Variants in GRIK1 observed in about 807,000 individuals in gnomAD.
GRIK1 encodes the protein glutamate receptor ionotropic, kainate 1.
GRIK1 carries 69 observed loss-of-function variants against 105.7 expected under a neutral mutation model. The ratio of observed to expected loss-of-function variants is 0.65; its 90% confidence interval spans 0.54 to 0.80. GRIK1 has a LOEUF of 0.80. Ranked by LOEUF, GRIK1 falls within the 30% of genes least tolerant of loss-of-function variation. GRIK1 has a pLI of 0.00. For missense variants in GRIK1, 1,109 were observed against 1,167.3 expected (o/e 0.95, Z 0.73); for synonymous variants, 438 against 431.3 (o/e 1.02, Z -0.19).
chr21:29,607,993 A>G (rs2061655878), intron 7 of GRIK1, among the ~76,000 whole-genome samples: 1 of 152,210 alleles, frequency 6.6e-6, no homozygotes, highest in African/African-American at 2.4e-5. Flanking sequence ...TGTAAAATCA[A>G]GAAGTTAACT....
chr21:29,801,423 C>T (rs986770702), intron 1 of GRIK1, among the ~76,000 whole-genome samples: 29 of 152,082 alleles, frequency 1.9e-4, no homozygotes, highest in African/African-American at 6.7e-4. Flanking sequence ...AAATCAAATA[C>T]CCAAACTGAA....
At chr21:29,862,576 G>A (rs541507057) in intron 1 of GRIK1, among the ~76,000 whole-genome samples, 4 of 152,154 alleles carry the variant, frequency 2.6e-5, no homozygotes, top group African/African-American at 9.7e-5. Flanking sequence ...CCATCATGAG[G>A]TGTGGGTGCA....
At chr21:29,934,728 T>TA (rs1487388898) in intron 1 of GRIK1, among the ~76,000 whole-genome samples, 3 of 152,160 alleles carry the variant, frequency 2.0e-5, no homozygotes, top group Non-Finnish European at 2.9e-5. Flanking sequence ...CTACCAGTAA[T>TA]AACTGAACTT....
intron 2 of GRIK1, among the ~76,000 whole-genome samples, chr21:29,692,876 T>A (rs1357220807): frequency 6.6e-6 from 1 of 152,158 alleles, no homozygotes; most frequent in African/African-American, 2.4e-5. Context: ...CCCTGCTATG[T>A]TGTTAATTTT....
intron 4 of GRIK1, among the ~76,000 whole-genome samples, chr21:29,668,220 C>CA (rs945350922): frequency 6.6e-6 from 1 of 152,182 alleles, no homozygotes; most frequent in African/African-American, 2.4e-5. Context: ...TTGGAACTTA[C>CA]AGTGTAGTAA....
At chr21:29,852,630 C>A (rs1321764225) in intron 1 of GRIK1, among the ~76,000 whole-genome samples, 2 of 152,122 alleles carry the variant, frequency 1.3e-5, no homozygotes, top group East Asian at 3.9e-4. Flanking sequence ...GAAGGAACAG[C>A]CACATAAATA....
In GRIK1 at chr21:29,747,623, G is replaced by T. The variant is rs879825384; in HGVS notation, c.119-53560C>A. On this transcript the variant is annotated intron_variant, in intron 1 of 17. Coordinates refer to ENST00000327783, the MANE Select transcript of GRIK1 (RefSeq NM_001330994.2). ...AGGCAGGTGGATCACGAGGTCAGGA[G>T]ATCGAGACCATCCTGGCCAATATGG... Among the ~76,000 whole-genome samples, 16 of 152,204 alleles carry T rather than the reference G, an allele frequency of 1.1e-4. 1 individual carries two copies. The highest frequency in any genetic ancestry group is 3.9e-4 in the Admixed American group (6 of 15,284).
intron 1 of GRIK1, among the ~76,000 whole-genome samples, chr21:29,753,128 C>G (rs1048845124): frequency 1.3e-5 from 2 of 152,180 alleles, no homozygotes; most frequent in African/African-American, 4.8e-5. Flanking sequence ...AGCTGTCTTA[C>G]TTCATCCATG....
intron 1 of GRIK1, among the ~76,000 whole-genome samples, chr21:29,748,597 T>G (rs952992334): frequency 3.3e-5 from 5 of 152,240 alleles, no homozygotes; most frequent in Non-Finnish European, 7.3e-5. Flanking sequence ...CTAGGCAGAA[T>G]AGTATAAGCA....
intron 1 of GRIK1, among the ~76,000 whole-genome samples, chr21:29,777,203 G>A (rs931859880): frequency 6.6e-6 from 1 of 152,118 alleles, no homozygotes; most frequent in Non-Finnish European, 1.5e-5. Context: ...GTGAGGATTG[G>A]GGTTCACCTA....
At chr21:29,624,690 A>G (rs2062082832) in intron 7 of GRIK1, among the ~76,000 whole-genome samples, 1 of 152,256 alleles carries the variant, frequency 6.6e-6, no homozygotes, top group Admixed American at 6.5e-5. Context: ...GGAAGTCAGT[A>G]TTCAAGTATT....
At chr21:29,558,972 T>C (rs2832397) in intron 15 of GRIK1, among the ~76,000 whole-genome samples, 27,596 of 152,018 alleles carry the variant, frequency 0.18, 4,312 homozygotes, top group African/African-American at 0.42. Context: ...CAAACGTTCT[T>C]AGGAGAGATG....
intron 1 of GRIK1, among the ~76,000 whole-genome samples, chr21:29,795,867 C>A (rs1342043555): frequency 6.6e-6 from 1 of 151,734 alleles, no homozygotes; most frequent in Admixed American, 6.6e-5. Context: ...TTCTTTTTTT[C>A]TGCTTGTAAG....
chr21:29,697,375 T>A (rs2063723689), intron 1 of GRIK1, among the ~76,000 whole-genome samples: 1 of 152,206 alleles, frequency 6.6e-6, no homozygotes, highest in African/African-American at 2.4e-5. Context: ...TAGTTGTCTA[T>A]CACATAAAGC....
At chr21:29,917,706 C>T (rs916059348) in intron 1 of GRIK1, among the ~76,000 whole-genome samples, 2 of 151,886 alleles carry the variant, frequency 1.3e-5, no homozygotes, top group Non-Finnish European at 2.9e-5. Flanking sequence ...CTAGGTTCTA[C>T]CCCCACATAT....
chr21:29,795,927 G>T (rs1008522125), intron 1 of GRIK1, among the ~76,000 whole-genome samples: 1 of 151,962 alleles, frequency 6.6e-6, no homozygotes, highest in Non-Finnish European at 1.5e-5. Flanking sequence ...ATGCTGTCCA[G>T]GGTTGTCAAA....
At chr21:29,740,199 C>T (rs796783548) in intron 1 of GRIK1, among the ~76,000 whole-genome samples, 5 of 151,858 alleles carry the variant, frequency 3.3e-5, no homozygotes, top group African/African-American at 1.2e-4. Context: ...CACTGCTCCT[C>T]ATGCTGCCCT....
rs1346319869 is a variant in GRIK1, at chr21:29,654,839, C to T, written c.751G>A (p.Glu251Lys). The change falls in exon 5 of 18, where the codon GAG (glutamate) becomes AAG (lysine). Residue 251 changes from glutamate (E) to lysine (K), a missense_variant. Around this residue, in one of 5 missense-constraint regions of GRIK1, gnomAD observed 612 missense variants for 586.0 expected, o/e 1.04. Coordinates refer to ENST00000327783, the MANE Select transcript of GRIK1 (RefSeq NM_001330994.2). ...KQILFMGMMTEYYHYFFTTLD... is the reference protein window; with the variant it reads ...KQILFMGMMTKYYHYFFTTLD... The stretch of plus-strand genomic sequence containing the variant: ...GTTGTGAAAAAGTAGTGATAGTACT[C>T]GGTCATCATGCCCATGAACAGAATC... The T allele has an allele frequency of 4.4e-6, 7 of 1,586,754 alleles. No individual in the cohort carries two copies. Among genetic ancestry groups the T allele is most frequent in the African/African-American group, 1.3e-5 (1 of 74,416 alleles).
chr21:29,743,958 A>T (rs1026869080), intron 1 of GRIK1, among the ~76,000 whole-genome samples: 1 of 152,186 alleles, frequency 6.6e-6, no homozygotes, highest in African/African-American at 2.4e-5. Context: ...GGAGAAGATC[A>T]AGAAGAATAA....
Sources: gnomAD v4.1 joint callset for allele counts (sites outside exome capture counted in the v4.1 genomes callset) on GRCh38, gnomAD v4.1.1 for gene constraint, gnomAD v4.1.1 regional missense constraint, MANE v1.5 for transcripts, NCBI Gene and HGNC (gene_info 2026-07-23, HGNC 2026-07-21) for gene names.